The following RBFOX2 variants were observed in gnomAD, a reference collection of about 807,000 sequenced individuals.
RBFOX2 encodes RNA binding protein fox-1 homolog 2.
Under a neutral mutation model 49.1 loss-of-function variants are expected in RBFOX2, and 10 were observed. The ratio of observed to expected loss-of-function variants is 0.20; its 90% CI spans 0.13 to 0.35. RBFOX2 has a LOEUF of 0.35. RBFOX2 is among the 10% of genes least tolerant of loss of function. The pLI is 1.00. For missense variants in RBFOX2, 323 were observed against 486.9 expected, an observed-to-expected ratio of 0.66 and a Z score of 3.17; for synonymous variants, 183 against 187.4, an observed-to-expected ratio of 0.98 and a Z score of 0.19.
rs1323640577 is a variant in RBFOX2, at chr22:35,840,190, AC to A, written c.27+1del. ...AACATGCCGAGGAAGCACAAATCTTACCTGAGTTACCATTTTCTTTTTCTCC... is the reference window on the plus strand; with the variant it reads ...AACATGCCGAGGAAGCACAAATCTTACTGAGTTACCATTTTCTTTTTCTCC... On this transcript the variant is annotated splice_donor_variant, in intron 1 of 11. Coordinates refer to ENST00000405409, the Ensembl canonical transcript of RBFOX2. LOFTEE classifies it high-confidence loss of function. 18 of 1,613,894 alleles carry A rather than the reference AC, an allele frequency of 1.1e-5. No homozygotes were observed. Among genetic ancestry groups the A allele is most frequent in the Non-Finnish European group, 1.4e-5 (17 of 1,179,918 alleles).
At chr22:35,980,224 C>A (rs2150057112) in intron 1 of RBFOX2, among the ~76,000 whole-genome samples, 1 of 152,260 alleles carries the variant, frequency 6.6e-6, no homozygotes, top group South Asian at 2.1e-4. Flanking sequence ...ACACACACAT[C>A]TCTCCAAGGC....
chr22:35,920,551 A>G (rs2050912381), intron 1 of RBFOX2, among the ~76,000 whole-genome samples: 1 of 152,176 alleles, frequency 6.6e-6, no homozygotes, highest in African/African-American at 2.4e-5. Context: ...CCCCTTCTCA[A>G]CCAAAATCTG....
chr22:35,760,056 C>T lies in RBFOX2; in HGVS notation c.755-36G>A, dbSNP rs375063969. Reference sequence around the variant, plus strand: ...ACCCAAAATATGACAGAAATTTCAACTTGCATTCAATAGAAGGTGCACAGT... The same window carrying T: ...ACCCAAAATATGACAGAAATTTCAATTTGCATTCAATAGAAGGTGCACAGT... On this transcript the variant is annotated intron_variant, in intron 8 of 11. Transcript: ENST00000405409. 9.3e-6 allele frequency: 15 copies of T among 1,612,090 alleles called. No homozygotes were observed. The African/African-American group carries it at 1.5e-4, about 16-fold the overall frequency.
chr22:35,756,149 A>T lies in RBFOX2; in HGVS notation c.887+3739T>A. The T allele has an allele frequency of 1.3e-6, 2 of 1,498,450 alleles. No homozygotes were observed. Among genetic ancestry groups the T allele is most frequent in the Admixed American group, 2.1e-5 (1 of 47,470 alleles). The allele number at this position is 1,498,450 out of a possible 1,614,324, so 92.8% of individuals were successfully genotyped here. A position where few individuals can be genotyped will look rare whatever the true frequency, so the allele number is the denominator to read the frequency against. On this transcript the variant is annotated intron_variant, in intron 9 of 11. Transcript: ENST00000405409. ...AATCCGTCCTGGTAAACCACACTGC[A>T]GAAAATCCACACAAAAACAAAAACA... is the stretch of plus-strand genomic sequence containing the variant.
chr22:35,860,984 A>G (rs1430800851), intron 1 of RBFOX2, among the ~76,000 whole-genome samples: 1 of 152,222 alleles, frequency 6.6e-6, no homozygotes, highest in African/African-American at 2.4e-5. Context: ...CATCCCTATA[A>G]GACTGTATGA....
rs151208878 is a variant in RBFOX2, at chr22:35,836,335, T to C, written c.27+3857A>G. On this transcript the variant is annotated intron_variant, in intron 1 of 11. Transcript: ENST00000405409. ...CAAAACATACCTGCTCTCTTATCTGTCTTTAATTAAAGCATAAAATACCCT... is the reference window on the plus strand; with the variant it reads ...CAAAACATACCTGCTCTCTTATCTGCCTTTAATTAAAGCATAAAATACCCT... The C allele has an allele frequency of 6.6e-5, 10 of 152,360 alleles. No individual in the cohort carries two copies. The East Asian group carries it at 1.7e-3, about 26-fold the overall frequency. The allele number at this position is 152,360 out of a possible 1,614,324, so 9.4% of individuals were successfully genotyped here. A position where few individuals can be genotyped will look rare whatever the true frequency, so the allele number is the denominator to read the frequency against.
chr22:35,897,980 C>T, intron 1 of RBFOX2: 1 of 770,988 alleles, frequency 1.3e-6, no homozygotes, highest in Non-Finnish European at 2.3e-6. Flanking sequence ...AAAACATCCT[C>T]AAAATCAAAG....
intron 1 of RBFOX2, among the ~76,000 whole-genome samples, chr22:35,830,728 T>C (rs1306800258): frequency 2.0e-5 from 3 of 152,202 alleles, no homozygotes; most frequent in Non-Finnish European, 4.4e-5. Flanking sequence ...GGAACCACTA[T>C]TGTGTATGCA....
chr22:36,027,997 T>TC (rs1242349231), intron 1 of RBFOX2, among the ~76,000 whole-genome samples: 1 of 151,920 alleles, frequency 6.6e-6, no homozygotes, highest in African/African-American at 2.4e-5. Flanking sequence ...CCAAAACCTA[T>TC]CCACTCGTCG....
chr22:35,929,906 G>T (rs1350800728), intron 1 of RBFOX2, among the ~76,000 whole-genome samples: 1 of 151,874 alleles, frequency 6.6e-6, no homozygotes. Context: ...GGGAATGAGG[G>T]AAATGTACTA....
chr22:36,015,984 G>C (rs2059019464), intron 1 of RBFOX2, among the ~76,000 whole-genome samples: 1 of 152,124 alleles, frequency 6.6e-6, no homozygotes, highest in African/African-American at 2.4e-5. Flanking sequence ...TTTTCCACTT[G>C]CCTAATGGCC....
intron 2 of RBFOX2, among the ~76,000 whole-genome samples, chr22:35,801,030 C>A (rs908264477): frequency 1.3e-5 from 2 of 152,158 alleles, no homozygotes; most frequent in Non-Finnish European, 2.9e-5. Context: ...ACACCATCTT[C>A]TTTCACTACG....
chr22:35,890,740 A>G (rs2149365711), intron 1 of RBFOX2, among the ~76,000 whole-genome samples: 1 of 152,314 alleles, frequency 6.6e-6, no homozygotes, highest in South Asian at 2.1e-4. Context: ...TGAAGATAAT[A>G]GCTAACACTC....
intron 3 of RBFOX2, 150 bp downstream of exon 4, chr22:35,781,450 G>A (rs1179782373): frequency 2.8e-6 from 3 of 1,067,488 alleles, no homozygotes; most frequent in Non-Finnish European, 2.7e-6. Flanking sequence ...ACAGAAAAAG[G>A]CTTCTAAAGA....
chr22:35,763,419 G>T (rs367627442), intron 6 of RBFOX2, among the ~76,000 whole-genome samples: 2 of 151,984 alleles, frequency 1.3e-5, no homozygotes, highest in African/African-American at 4.8e-5. Flanking sequence ...AAAATTAGCC[G>T]GATGTGGTGG....
At position 35,878,876 on chromosome 22, in the gene RBFOX2, G is replaced by A. The variant is rs1017310874; in HGVS notation, c.-34+59971C>T. Reference sequence around the variant, plus strand: ...CTCCAGAGTGGCTGGGACTACAGGCGCCCGCCACCACACCCGGCTAATTTT... The same window carrying A: ...CTCCAGAGTGGCTGGGACTACAGGCACCCGCCACCACACCCGGCTAATTTT... On this transcript the variant is annotated intron_variant, in intron 1 of 13. Transcript: ENST00000359369. Among the ~76,000 whole-genome samples the A allele has an allele frequency of 3.9e-5, 6 of 152,066 alleles. No individual in the cohort carries two copies. The East Asian group carries it at 5.8e-4, about 15-fold the overall frequency.
chr22:35,778,659 T>TG (rs1377858672), intron 3 of RBFOX2, among the ~76,000 whole-genome samples: 1 of 150,734 alleles, frequency 6.6e-6, no homozygotes, highest in East Asian at 1.9e-4. Context: ...AAAAAAAAGA[T>TG]GGAGTCTTGA....
rs192740810 is a variant in RBFOX2, at chr22:35,818,342, A to G, written c.28-8338T>C. ...AATAGTTAACTGTCTGTTCTATTCA[A>G]TGTAAATATTCTATTCCAATGGATT... On this transcript the variant is annotated intron_variant, in intron 1 of 11. Coordinates refer to ENST00000405409, the Ensembl canonical transcript of RBFOX2. Among the ~76,000 whole-genome samples the G allele has an allele frequency of 5.3e-4, 80 of 152,348 alleles. 1 individual carries two copies. The highest frequency in any genetic ancestry group is 3.5e-3 in the East Asian group (18 of 5,192).
chr22:35,944,418 G>A (rs1187399283), intron 1 of RBFOX2, among the ~76,000 whole-genome samples: 1 of 151,994 alleles, frequency 6.6e-6, no homozygotes, highest in Non-Finnish European at 1.5e-5. Flanking sequence ...AAAGAATACT[G>A]GCAAAATTAC....
Sources: allele counts gnomAD v4.1 joint callset (sites outside exome capture counted in the v4.1 genomes callset), GRCh38; gene constraint gnomAD v4.1.1; transcripts MANE v1.5; gene names NCBI Gene and HGNC (gene_info 2026-07-23, HGNC 2026-07-21).